The following POPDC3 variants were observed in gnomAD, a reference collection of about 807,000 sequenced individuals.
The protein encoded by POPDC3 is popeye domain cAMP effector 3.
POPDC3 carries 20 observed loss-of-function variants against 28.2 expected under a neutral mutation model. The ratio of observed to expected loss-of-function variants is 0.71; its 90% CI spans 0.50 to 1.03. The LOEUF is 1.03. Among genes scored for constraint, POPDC3 ranks in the 50% least tolerant of loss-of-function variants. The probability of loss-of-function intolerance (pLI) is 0.00; values close to 1 mark genes in which losing one functional copy is unlikely to be tolerated. For synonymous variants in POPDC3, 118 were observed against 124.1 expected, an observed-to-expected ratio of 0.95 and a Z score of 0.33; for missense variants, 316 against 345.9, an observed-to-expected ratio of 0.91 and a Z score of 0.69.
intron 1 of POPDC3, among the ~76,000 whole-genome samples, chr6:105,163,383 A>G (rs1179016118): frequency 6.6e-6 from 1 of 152,212 alleles, no homozygotes; most frequent in Non-Finnish European, 1.5e-5. Flanking sequence ...AGCATTAGCC[A>G]TGATGACAGA....
intron 1 of POPDC3, chr6:105,178,800 G>C: frequency 1.0e-6 from 1 of 984,894 alleles, no homozygotes; most frequent in Non-Finnish European, 1.2e-6. Flanking sequence ...ATATTTTCAT[G>C]CAACAGTCCG....
Position 105,158,230 on chromosome 6 carries a change from GC to G in POPDC3, c.*239del. ...TCTCCCAGTTTTGATGCAGAAAAGGGCAAACTGCCCATAGTTATCCACCCCC... is the reference window on the plus strand; with the variant it reads ...TCTCCCAGTTTTGATGCAGAAAAGGGAAACTGCCCATAGTTATCCACCCCC... On this transcript the variant is annotated 3_prime_UTR_variant, in exon 4 of 4. Transcript: ENST00000254765. 2.3e-6 allele frequency: 1 copy of G among 433,516 alleles called. No individual in the cohort carries two copies. The highest frequency in any genetic ancestry group is 4.1e-6 in the Non-Finnish European group (1 of 245,774). The allele number at this position is 433,516 out of a possible 1,614,324, so 26.9% of individuals were successfully genotyped here.
At chr6:105,174,186 C>T (rs565073012) in intron 1 of POPDC3, among the ~76,000 whole-genome samples, 8 of 152,252 alleles carry the variant, frequency 5.3e-5, no homozygotes, top group Non-Finnish European at 8.8e-5. Context: ...GGATTAAAGG[C>T]GCTACCACAC....
intron 1 of POPDC3, among the ~76,000 whole-genome samples, chr6:105,165,794 A>G (rs910148899): frequency 1.3e-5 from 2 of 152,204 alleles, no homozygotes; most frequent in Non-Finnish European, 2.9e-5. Flanking sequence ...GTTGCTAAGC[A>G]ACCCACAAAC....
intron 1 of POPDC3, among the ~76,000 whole-genome samples, chr6:105,167,608 G>A (rs1774484174): frequency 6.6e-6 from 1 of 151,962 alleles, no homozygotes; most frequent in African/African-American, 2.4e-5. Context: ...TTAGCCAGAT[G>A]TGATGGTGGG....
At chr6:105,178,803 A>C in intron 1 of POPDC3, 2 of 985,246 alleles carry the variant, frequency 2.0e-6, no homozygotes, top group Non-Finnish European at 2.4e-6. Flanking sequence ...TTTTCATGCA[A>C]CAGTCCGTAG....
At chr6:105,171,228 G>C (rs1202578279) in intron 1 of POPDC3, among the ~76,000 whole-genome samples, 1 of 152,166 alleles carries the variant, frequency 6.6e-6, no homozygotes, top group Non-Finnish European at 1.5e-5. Flanking sequence ...ACATGCGTAA[G>C]CAAACATGAA....
At position 105,159,321 on chromosome 6, in the gene POPDC3, T is replaced by G. The variant is rs143152799; in HGVS notation, c.594+390A>C. ...TTGCTGTAAAACAACTGAAATCCAC[T>G]GGCATTTTAAATTTTAAAAATCATT... On this transcript the variant is annotated intron_variant, in intron 3 of 3. Coordinates refer to ENST00000254765, the MANE Select transcript of POPDC3 (RefSeq NM_022361.5). Among the ~76,000 whole-genome samples the G allele has an allele frequency of 9.6e-4, 147 of 152,334 alleles. 4 individuals carry two copies. In the East Asian group the frequency reaches 0.025, roughly 26 times the overall value.
chr6:105,167,307 G>T (rs1471333926), intron 1 of POPDC3, among the ~76,000 whole-genome samples: 3 of 152,128 alleles, frequency 2.0e-5, no homozygotes, highest in Non-Finnish European at 2.9e-5. Context: ...TTACAGCAGA[G>T]GATAAGGGGT....
intron 1 of POPDC3, among the ~76,000 whole-genome samples, chr6:105,170,725 A>G (rs1259400168): frequency 6.6e-6 from 1 of 152,238 alleles, no homozygotes; most frequent in Non-Finnish European, 1.5e-5. Context: ...AAACTGTGCA[A>G]TAACAACCAC....
intron 1 of POPDC3, among the ~76,000 whole-genome samples, chr6:105,170,143 G>A (rs1201701689): frequency 5.3e-5 from 8 of 152,040 alleles, no homozygotes; most frequent in East Asian, 3.9e-4. Flanking sequence ...GCCATTAGAT[G>A]GTTTTAAATA....
intron 2 of POPDC3, among the ~76,000 whole-genome samples, chr6:105,160,687 C>T (rs147524337): frequency 0.011 from 1,637 of 152,170 alleles, 29 homozygotes; most frequent in African/African-American, 0.035. Context: ...CCGCCTCCCA[C>T]GCTCAAGCAG....
chr6:105,161,465 T>C lies in POPDC3; in HGVS notation c.445A>G (p.Lys149Glu), dbSNP rs1201557711. 22 of 1,614,030 alleles carry C rather than the reference T, an allele frequency of 1.4e-5. No individual in the cohort carries two copies. The highest frequency in any genetic ancestry group is 1.9e-5 in the Non-Finnish European group (22 of 1,179,956). Residue 149 changes from lysine to glutamate, a missense_variant, in exon 2 of 4, where the codon AAA becomes GAA. Coordinates refer to ENST00000254765, the MANE Select transcript of POPDC3 (RefSeq NM_022361.5). Reference protein sequence around the residue: ...EKEHCYAMQGKTSIDKLSLLV... With the variant: ...EKEHCYAMQGETSIDKLSLLV... ...AAGGAGAGTTTATCAATGGAAGTTTTCCCCTGCATGGCATAACAGTGTTCC... is the reference window on the plus strand; with the variant it reads ...AAGGAGAGTTTATCAATGGAAGTTTCCCCCTGCATGGCATAACAGTGTTCC...
chr6:105,161,824 A>G lies in POPDC3; in HGVS notation c.86T>C (p.Ile29Thr), dbSNP rs1774339465. Residue 29 changes from isoleucine (I) to threonine (T), a missense_variant, in exon 2 of 4, where the codon ATT becomes ACT. Physicochemically the swap from Ile to Thr is moderately conservative, Grantham distance 89. Coordinates refer to ENST00000254765, the MANE Select transcript of POPDC3 (RefSeq NM_022361.5). Reference protein sequence around the residue: ...TTWKQEAEGAIYHLASILFVV... With the variant: ...TTWKQEAEGATYHLASILFVV... Reference sequence around the variant, plus strand: ...AAATAAAATACTGGCAAGATGATAAATGGCTCCTTCGGCCTCTTGCTTCCA... The same window carrying G: ...AAATAAAATACTGGCAAGATGATAAGTGGCTCCTTCGGCCTCTTGCTTCCA... The G allele has an allele frequency of 6.2e-7, 1 of 1,614,198 alleles. No homozygotes were observed. Among genetic ancestry groups the G allele is most frequent in the Non-Finnish European group, 8.5e-7 (1 of 1,180,040 alleles).
At chr6:105,170,807 T>C (rs958290247) in intron 1 of POPDC3, among the ~76,000 whole-genome samples, 2 of 152,184 alleles carry the variant, frequency 1.3e-5, no homozygotes, top group African/African-American at 4.8e-5. Context: ...CTTTAAAAGA[T>C]AGGAATTTAA....
At chr6:105,167,363 T>C (rs1774479163) in intron 1 of POPDC3, among the ~76,000 whole-genome samples, 1 of 152,126 alleles carries the variant, frequency 6.6e-6, no homozygotes, top group African/African-American at 2.4e-5. Flanking sequence ...CACAGGTCAA[T>C]GCTAAATAAA....
chr6:105,176,980 T>C, intron 1 of POPDC3: 1 of 199,696 alleles, frequency 5.0e-6, no homozygotes, highest in Non-Finnish European at 9.0e-6. Flanking sequence ...ACAGCTGCAT[T>C]ATTTGTATTC....
intron 1 of POPDC3, among the ~76,000 whole-genome samples, chr6:105,177,616 T>C (rs1774705909): frequency 6.6e-6 from 1 of 152,224 alleles, no homozygotes; most frequent in African/African-American, 2.4e-5. Flanking sequence ...CAGATCCATT[T>C]AGGAGTCACA....
rs146588727 is a variant in POPDC3 at position 105,161,526 on chromosome 6, C to T, written c.384G>A (p.Thr128=). Reference sequence around the variant, plus strand: ...TAACCACTTCAGAGCTCAAAGCAATCGTTCTGAAGACAGGCAAAGAGATCC... The same window carrying T: ...TAACCACTTCAGAGCTCAAAGCAATTGTTCTGAAGACAGGCAAAGAGATCC... ...PLGISLPVFR[T]IALSSEVVTL... The change falls in exon 2 of 4, where the codon ACG becomes ACA. Residue 128 remains threonine, a synonymous_variant. Transcript: ENST00000254765. 15 of 1,614,018 alleles carry T rather than the reference C, an allele frequency of 9.3e-6. No homozygotes were observed. Among genetic ancestry groups the T allele is most frequent in the Admixed American group, 6.7e-5 (4 of 59,992 alleles).
Sources: gnomAD v4.1 joint callset for allele counts (sites outside exome capture counted in the v4.1 genomes callset) on GRCh38, gnomAD v4.1.1 for gene constraint, MANE v1.5 for transcripts, NCBI Gene and HGNC (gene_info 2026-07-23, HGNC 2026-07-21) for gene names.